Variants in COL17A1 observed in about 807,000 individuals in gnomAD.
COL17A1 encodes collagen alpha-1(XVII) chain.
A neutral mutation model predicts 218.4 loss-of-function variants in COL17A1; 181 were observed. The observed-to-expected ratio is 0.83, with a 90% confidence interval of 0.73 to 0.94. The LOEUF is 0.94. Ranked by LOEUF, COL17A1 falls within the 40% of genes least tolerant of loss-of-function variation. The probability of loss-of-function intolerance (pLI) is 0.00; values close to 1 mark genes in which losing one functional copy is unlikely to be tolerated. For missense variants in COL17A1, 1,924 were observed against 1,945.9 expected (o/e 0.99, Z 0.21); for synonymous variants, 721 against 731.0 (o/e 0.99, Z 0.22).
intron 5 of COL17A1, among the ~76,000 whole-genome samples, chr10:104,075,149 CTCTT>C (rs2134654105): frequency 6.6e-6 from 1 of 152,248 alleles, no homozygotes; most frequent in East Asian, 1.9e-4. Context: ...CTTTTATACT[CTCTT>C]TCTTGGCAAA....
chr10:104,032,386 A>T, intron 55 of COL17A1, 96 bp from the exon 56 acceptor site: 1 of 1,050,086 alleles, frequency 9.5e-7, no homozygotes, highest in South Asian at 1.3e-5. Flanking sequence ...TACTGCAAAG[A>T]TGGCTTCAAA....
At chr10:104,041,589 T>A in intron 36 of COL17A1, 51 bp from the exon 37 acceptor site, 1 of 1,498,178 alleles carries the variant, frequency 6.7e-7, no homozygotes, top group Non-Finnish European at 9.3e-7. Context: ...GAGGCTGCTC[T>A]CTGCCACACT....
chr10:104,032,793 G>C, intron 54 of COL17A1, 39 bp from the exon 55 acceptor site: 1 of 1,611,464 alleles, frequency 6.2e-7, no homozygotes, highest in Non-Finnish European at 8.5e-7. Flanking sequence ...TAATACATGA[G>C]TCTGGGGACT....
chr10:104,063,438 C>A, intron 11 of COL17A1: 1 of 397,822 alleles, frequency 2.5e-6, no homozygotes, highest in Non-Finnish European at 4.8e-6. Flanking sequence ...TTAACAATGC[C>A]TTTACCCTGA....
rs2086335260 is a variant in COL17A1, at chr10:104,039,436, C to G, written c.2896+9G>C. Reference sequence around the variant, plus strand: ...CTCCTCACCACCTTCTCACTGCTCCCTCACTGACCTTTGTCACCTTTGGGT... The same window carrying G: ...CTCCTCACCACCTTCTCACTGCTCCGTCACTGACCTTTGTCACCTTTGGGT... On this transcript the variant is annotated intron_variant, in intron 43 of 55. Coordinates refer to ENST00000648076, the MANE Select transcript of COL17A1 (RefSeq NM_000494.4). The G allele has an allele frequency of 6.2e-7, 1 of 1,613,766 alleles. No homozygotes were observed. The highest frequency in any genetic ancestry group is 1.3e-5 in the African/African-American group (1 of 74,908).
chr10:104,084,988 C>G (rs1396691136), intron 1 of COL17A1, among the ~76,000 whole-genome samples: 1 of 152,218 alleles, frequency 6.6e-6, no homozygotes, highest in Non-Finnish European at 1.5e-5. Flanking sequence ...CAGTTAACGT[C>G]ATCCACTTAG....
intron 13 of COL17A1, among the ~76,000 whole-genome samples, chr10:104,060,856 T>A (rs1201398395): frequency 6.6e-6 from 1 of 152,260 alleles, no homozygotes; most frequent in African/African-American, 2.4e-5. Flanking sequence ...TATCCTGTCG[T>A]GTTCACTGCT....
chr10:104,073,254 C>A lies in COL17A1; in HGVS notation c.380-9G>T. 2.5e-6 allele frequency: 4 copies of A among 1,613,468 alleles called. No homozygotes were observed. The highest frequency in any genetic ancestry group is 3.4e-6 in the Non-Finnish European group (4 of 1,179,606). ...TCTGGTTGAAGAAGATGCTGAGAAA[C>A]AAAGAAATGCATTTTTAGGCATATA... On this transcript the variant is annotated splice_polypyrimidine_tract_variant and intron_variant, in intron 6 of 55. Coordinates refer to ENST00000648076, the MANE Select transcript of COL17A1 (RefSeq NM_000494.4).
At chr10:104,069,364 T>C (rs1255425508) in intron 9 of COL17A1, among the ~76,000 whole-genome samples, 1 of 152,200 alleles carries the variant, frequency 6.6e-6, no homozygotes, top group Non-Finnish European at 1.5e-5. Flanking sequence ...GGGTATCACT[T>C]TACCTCAAGG....
At chr10:104,050,993 C>T in intron 25 of COL17A1, 92 bp from the exon 26 acceptor site, 1 of 1,580,210 alleles carries the variant, frequency 6.3e-7, no homozygotes, top group Non-Finnish European at 8.6e-7. Context: ...CATACAGGCA[C>T]ACATATGCAC....
At chr10:104,063,611 G>T in intron 11 of COL17A1, 136 bp downstream of exon 11, 10 of 1,375,790 alleles carry the variant, frequency 7.3e-6, no homozygotes, top group Non-Finnish European at 1.0e-5. Flanking sequence ...GTTGAAGGCA[G>T]GTTCTGTGCA....
At chr10:104,036,713 C>G in intron 47 of COL17A1, 81 bp from the exon 48 acceptor site, 3 of 1,541,248 alleles carry the variant, frequency 1.9e-6, no homozygotes, top group Non-Finnish European at 1.8e-6. Context: ...CCTGGGCTCC[C>G]CTGCACAAAC....
At position 104,059,678 on chromosome 10, in the gene COL17A1, A is replaced by G. The variant is rs1488785926; in HGVS notation, c.1182T>C (p.Ala394=). The change falls in exon 15 of 56, where the codon GCT becomes GCC. Residue 394 remains alanine, a synonymous_variant. Transcript: ENST00000648076. ...TTAGGCCTGAGTCAGCATTGTAGGCAGCTTGCTTTTCTTTTTTTAGGGTGT... is the reference window on the plus strand; with the variant it reads ...TTAGGCCTGAGTCAGCATTGTAGGCGGCTTGCTTTTCTTTTTTTAGGGTGT... ...SEDTLKKEKQ[A]AYNADSGLKA... 1.2e-6 allele frequency: 2 copies of G among 1,614,250 alleles called. No homozygotes were observed. The highest frequency in any genetic ancestry group is 4.5e-5 in the East Asian group (2 of 44,892).
rs183364861 is a variant in COL17A1 at position 104,033,269 on chromosome 10, G to A, written c.4263C>T (p.Asn1421=). 9 of 1,593,256 alleles carry A rather than the reference G, an allele frequency of 5.6e-6. No individual in the cohort carries two copies. Among genetic ancestry groups the A allele is most frequent in the Admixed American group, 3.6e-5 (2 of 56,116 alleles). The part of the protein sequence containing the change: ...GISKVFSAYS[N]VTADLMDFFQ... ...AGAAGTCCATGAGGTCCGCAGTCAC[G>A]TTGCTGTAGGCAGAGAAGACCTTGC... Residue 1421 remains asparagine (N), a synonymous_variant, in exon 53 of 56, where the codon AAC becomes AAT. Transcript: ENST00000648076.
intron 41 of COL17A1, 38 bp downstream of exon 41, chr10:104,039,935 C>T (rs1371429566): frequency 6.2e-7 from 1 of 1,614,096 alleles, no homozygotes; most frequent in Non-Finnish European, 8.5e-7. Flanking sequence ...CATCCCCACC[C>T]CTACCCCAGG....
chr10:104,055,149 G>T (rs2086508024), intron 19 of COL17A1, 142 bp from the exon 20 acceptor site: 1 of 1,495,458 alleles, frequency 6.7e-7, no homozygotes, highest in South Asian at 1.2e-5. Context: ...CCCAGTCCCA[G>T]AGTCTATGTC....
intron 23 of COL17A1, 45 bp from the exon 24 acceptor site, chr10:104,052,262 G>A (rs753025879): frequency 3.2e-5 from 52 of 1,611,980 alleles, no homozygotes; most frequent in Admixed American, 8.3e-5. Context: ...AGGCCCCAGT[G>A]TGGCTGCCCC....
intron 25 of COL17A1, 88 bp from the exon 26 acceptor site, chr10:104,050,989 G>T: frequency 6.3e-7 from 1 of 1,593,018 alleles, no homozygotes; most frequent in Non-Finnish European, 8.6e-7. Context: ...CACACATACA[G>T]GCACACATAT....
At chr10:104,051,853 G>T (rs1024578054) in intron 24 of COL17A1, among the ~76,000 whole-genome samples, 1 of 152,132 alleles carries the variant, frequency 6.6e-6, no homozygotes, top group Non-Finnish European at 1.5e-5. Flanking sequence ...TCAAGGAAAT[G>T]GTCTAACTTC....
Sources: allele counts gnomAD v4.1 joint callset (sites outside exome capture counted in the v4.1 genomes callset), GRCh38; gene constraint gnomAD v4.1.1; transcripts MANE v1.5; gene names NCBI Gene and HGNC (gene_info 2026-07-23, HGNC 2026-07-21).